Variants in MAGI2 observed in about 807,000 individuals in gnomAD.
MAGI2 encodes membrane associated guanylate kinase, WW and PDZ domain containing 2.
In MAGI2, 35 loss-of-function variants were observed where a neutral mutation model predicts 133.3. The observed-to-expected ratio is 0.26, with a 90% CI of 0.20 to 0.35. The LOEUF is 0.35. MAGI2 is among the 10% of genes least tolerant of loss of function. MAGI2 has a pLI of 1.00. For missense variants in MAGI2, 1,636 were observed against 1,863.4 expected (o/e 0.88, Z 2.25); for synonymous variants, 729 against 710.6 (o/e 1.03, Z -0.41).
intron 1 of MAGI2, among the ~76,000 whole-genome samples, chr7:79,305,538 A>G (rs1409042638): frequency 6.6e-6 from 1 of 152,104 alleles, no homozygotes; most frequent in African/African-American, 2.4e-5. Flanking sequence ...AACTAATTTG[A>G]CCATGTAACT....
intron 2 of MAGI2, among the ~76,000 whole-genome samples, chr7:78,885,795 C>CT (rs1796217154): frequency 6.6e-6 from 1 of 152,154 alleles, no homozygotes; most frequent in African/African-American, 2.4e-5. Flanking sequence ...AATCAGCATT[C>CT]TTTACCATCT....
intron 9 of MAGI2, among the ~76,000 whole-genome samples, chr7:78,292,815 C>A (rs1796854027): frequency 6.6e-6 from 1 of 152,114 alleles, no homozygotes; most frequent in Non-Finnish European, 1.5e-5. Context: ...ACAAACCTGA[C>A]AAAAACAAGC....
In MAGI2 at chr7:79,228,354, CAA is replaced by C. The variant is rs746424350; in HGVS notation, c.302-221150_302-221149del. 1.6e-3 allele frequency among the ~76,000 whole-genome samples: 49 copies of C among 31,428 alleles called. 4 individuals are homozygous for C. The South Asian group carries it at 0.03, about 20-fold the overall frequency. The allele number at this position is 31,428 out of a possible 152,430, so 20.6% of individuals were successfully genotyped here. A position where few individuals can be genotyped will look rare whatever the true frequency, so the allele number is the denominator to read the frequency against. On this transcript the variant is annotated intron_variant, in intron 1 of 21. Coordinates refer to ENST00000354212, the MANE Select transcript of MAGI2 (RefSeq NM_012301.4). ...CAAGACCCTGTCTCAAAAAAACAGG[CAA>C]AAAAAAAAAAAAAAGATCGTGGGAT...
At chr7:78,510,441 A>G (rs1032044864) in intron 4 of MAGI2, among the ~76,000 whole-genome samples, 4 of 152,226 alleles carry the variant, frequency 2.6e-5, no homozygotes, top group Admixed American at 1.3e-4. Flanking sequence ...TTACCACTGA[A>G]TTCTATTATT....
intron 2 of MAGI2, among the ~76,000 whole-genome samples, chr7:78,748,140 A>G (rs1823102140): frequency 7.4e-6 from 1 of 135,486 alleles, no homozygotes; most frequent in Non-Finnish European, 1.6e-5. Flanking sequence ...CTTTGAAAAT[A>G]CTTTTACCTT....
At chr7:78,959,219 C>G (rs929291263) in intron 2 of MAGI2, among the ~76,000 whole-genome samples, 1 of 152,060 alleles carries the variant, frequency 6.6e-6, no homozygotes, top group East Asian at 1.9e-4. Context: ...CTCAGCTTCA[C>G]CACTTGGTTC....
chr7:78,705,263 TA>T (rs1818520847), intron 2 of MAGI2, among the ~76,000 whole-genome samples: 1 of 152,008 alleles, frequency 6.6e-6, no homozygotes, highest in Admixed American at 6.6e-5. Context: ...TCTGATGGTT[TA>T]TAAGGGGCTC....
rs187436003 is a variant in MAGI2, at chr7:78,500,018, T to C, written c.965+1559A>G. Among the ~76,000 whole-genome samples the C allele has an allele frequency of 2.4e-3, 358 of 152,338 alleles. 2 individuals are homozygous for C. The highest frequency in any genetic ancestry group is 8.3e-3 in the African/African-American group (344 of 41,582). ...CATTGATTACAGCAATAAGAAATAA[T>C]GTAAGAGATTCTTATTCCTTTTAAA... On this transcript the variant is annotated intron_variant, in intron 5 of 21. Transcript: ENST00000354212.
chr7:78,263,304 G>A (rs750759058), intron 9 of MAGI2, among the ~76,000 whole-genome samples: 1 of 152,150 alleles, frequency 6.6e-6, no homozygotes, highest in Non-Finnish European at 1.5e-5. Context: ...CTTTTTGGCA[G>A]AACGATTTAT....
In MAGI2 at chr7:78,109,347, A is replaced by G. The variant is rs181824491; in HGVS notation, c.3567+16347T>C. On this transcript the variant is annotated intron_variant, in intron 20 of 21. Coordinates refer to ENST00000354212, the MANE Select transcript of MAGI2 (RefSeq NM_012301.4). ...AAAAAAAAAAAAAGAAAAAAGAAAA[A>G]AAAAAGAAAATCCTGTGGCTCACGC... 2.2e-3 allele frequency among the ~76,000 whole-genome samples: 297 copies of G among 132,926 alleles called. 1 individual carries two copies. Among genetic ancestry groups the G allele is most frequent in the Middle Eastern group, 8.9e-3 (2 of 224 alleles). 87.2% of individuals were successfully genotyped at this position (132,926 alleles called of 152,430 possible).
chr7:78,823,171 G>A (rs929674285), intron 2 of MAGI2, among the ~76,000 whole-genome samples: 2 of 152,300 alleles, frequency 1.3e-5, no homozygotes, highest in East Asian at 1.9e-4. Context: ...AAATAGATAA[G>A]TTCGTAGTAG....
intron 6 of MAGI2, among the ~76,000 whole-genome samples, chr7:78,459,880 A>C (rs974091011): frequency 6.6e-6 from 1 of 152,226 alleles, no homozygotes; most frequent in South Asian, 2.1e-4. Context: ...AAACCAAATC[A>C]GTGTTTAGAA....
chr7:78,662,960 G>A (rs1703641600), intron 2 of MAGI2, among the ~76,000 whole-genome samples: 1 of 152,120 alleles, frequency 6.6e-6, no homozygotes. Flanking sequence ...TCTAGACACA[G>A]AGTGGTAAAT....
intron 21 of MAGI2, among the ~76,000 whole-genome samples, chr7:78,050,592 A>T (rs1811906146): frequency 6.6e-6 from 1 of 152,236 alleles, no homozygotes; most frequent in African/African-American, 2.4e-5. Context: ...ATTAGAGAGA[A>T]AGCAGGGGAA....
At chr7:79,280,698 G>A (rs529621380) in intron 1 of MAGI2, among the ~76,000 whole-genome samples, 1 of 152,034 alleles carries the variant, frequency 6.6e-6, no homozygotes, top group East Asian at 1.9e-4. Flanking sequence ...GAAGGCAGAT[G>A]GGGAGGATCA....
At position 78,019,223 on chromosome 7, in the gene MAGI2, T is replaced by G; in HGVS notation, c.*92A>C. Reference sequence around the variant, plus strand: ...CCTTGGTGCCTCGTGGATCTATGCGTGTGACAGTGAAAATAAATTAAAACG... The same window carrying G: ...CCTTGGTGCCTCGTGGATCTATGCGGGTGACAGTGAAAATAAATTAAAACG... On this transcript the variant is annotated 3_prime_UTR_variant, in exon 22 of 22. Coordinates refer to ENST00000354212, the MANE Select transcript of MAGI2 (RefSeq NM_012301.4). 2.1e-6 allele frequency: 3 copies of G among 1,409,678 alleles called. No individual in the cohort carries two copies. The highest frequency in any genetic ancestry group is 2.9e-6 in the Non-Finnish European group (3 of 1,040,968). The allele number at this position is 1,409,678 out of a possible 1,614,324, so 87.3% of individuals were successfully genotyped here.
intron 1 of MAGI2, among the ~76,000 whole-genome samples, chr7:79,241,186 A>C (rs1337043301): frequency 6.6e-6 from 1 of 152,138 alleles, no homozygotes; most frequent in East Asian, 1.9e-4. Context: ...CAGGAGAGGA[A>C]ATTTATTGTT....
intron 9 of MAGI2, among the ~76,000 whole-genome samples, chr7:78,295,602 G>C (rs1223717164): frequency 6.6e-6 from 1 of 152,140 alleles, no homozygotes; most frequent in Non-Finnish European, 1.5e-5. Flanking sequence ...CACAATGACT[G>C]TTCAGTGTGA....
chr7:79,351,983 C>T (rs1841722513), intron 1 of MAGI2: 1 of 152,164 alleles, frequency 6.6e-6, no homozygotes, highest in African/African-American at 2.4e-5. Flanking sequence ...ATTAGCTACA[C>T]TTTGTTTTTA....
Sources: gnomAD v4.1 joint callset for allele counts (sites outside exome capture counted in the v4.1 genomes callset) on GRCh38, gnomAD v4.1.1 for gene constraint, MANE v1.5 for transcripts, NCBI Gene and HGNC (gene_info 2026-07-23, HGNC 2026-07-21) for gene names.